MAGI1: variants seen among roughly 807,000 people sequenced by gnomAD.
The protein encoded by MAGI1 is membrane-associated guanylate kinase, WW and PDZ domain-containing protein 1.
In MAGI1, 58 loss-of-function variants were observed where a neutral mutation model predicts 139.9. That is an observed-to-expected ratio of 0.41 (90% CI 0.34 to 0.52). The LOEUF is 0.52. Among genes scored for constraint, MAGI1 ranks in the 20% least tolerant of loss-of-function variants. The probability of loss-of-function intolerance (pLI) is 0.12; values close to 1 mark genes in which losing one functional copy is unlikely to be tolerated. For missense variants in MAGI1, 1,874 were observed against 1,901.6 expected (o/e 0.99, Z 0.27); for synonymous variants, 812 against 737.9 (o/e 1.10, Z -1.63).
chr3:65,493,406 T>C (rs950424766), intron 3 of MAGI1, 106 bp downstream of exon 3: 1 of 1,346,488 alleles, frequency 7.4e-7, no homozygotes, highest in Non-Finnish European at 1.0e-6. Flanking sequence ...TCTCCTGTTA[T>C]TTGTTTAGAC....
At chr3:65,896,086 G>C (rs1209658918) in intron 1 of MAGI1, among the ~76,000 whole-genome samples, 2 of 152,046 alleles carry the variant, frequency 1.3e-5, no homozygotes, top group Admixed American at 6.5e-5. Context: ...GGCTGACATG[G>C]GGAAGCCCCC....
chr3:65,493,663 C>G (rs886147276), intron 2 of MAGI1, 32 bp from the exon 3 acceptor site: 2 of 1,612,322 alleles, frequency 1.2e-6, no homozygotes, highest in African/African-American at 2.7e-5. Flanking sequence ...CACAACAAAC[C>G]ATCAATCAAC....
chr3:65,517,660 C>T (rs562543207), intron 2 of MAGI1, among the ~76,000 whole-genome samples: 9 of 152,276 alleles, frequency 5.9e-5, no homozygotes, highest in African/African-American at 1.7e-4. Context: ...CTCCAACTCC[C>T]GAGTCAGTCT....
At chr3:65,390,043 G>C (rs957424419) in intron 14 of MAGI1, among the ~76,000 whole-genome samples, 1 of 152,154 alleles carries the variant, frequency 6.6e-6, no homozygotes, top group African/African-American at 2.4e-5. Context: ...TCACAGAGGA[G>C]TCGACTTTCA....
intron 1 of MAGI1, among the ~76,000 whole-genome samples, chr3:65,931,568 G>C (rs2062809397): frequency 6.6e-6 from 1 of 152,206 alleles, no homozygotes; most frequent in Non-Finnish European, 1.5e-5. Context: ...GGGAGGCTGA[G>C]GTGGGAGGAT....
chr3:65,738,430 GCCTCC>G (rs2034970712), intron 1 of MAGI1, among the ~76,000 whole-genome samples: 1 of 152,080 alleles, frequency 6.6e-6, no homozygotes, highest in Admixed American at 6.6e-5. Flanking sequence ...TCCAACCTTA[GCCTCC>G]CCAAGCACTG....
intron 1 of MAGI1, among the ~76,000 whole-genome samples, chr3:65,896,863 C>T (rs1008984220): frequency 6.6e-6 from 1 of 152,112 alleles, no homozygotes; most frequent in Non-Finnish European, 1.5e-5. Flanking sequence ...AAAATGTATA[C>T]TGTTCAATAT....
chr3:65,883,084 C>T (rs1281004822), intron 1 of MAGI1, among the ~76,000 whole-genome samples: 1 of 152,190 alleles, frequency 6.6e-6, no homozygotes, highest in Admixed American at 6.5e-5. Flanking sequence ...TTTATCTCCC[C>T]AGTTTCTTTT....
intron 5 of MAGI1, among the ~76,000 whole-genome samples, chr3:65,453,715 T>A (rs1381770935): frequency 2.0e-5 from 3 of 152,244 alleles, no homozygotes; most frequent in Non-Finnish European, 4.4e-5. Context: ...AGTATATCTA[T>A]GACTTGAGTC....
At chr3:65,817,668 G>A (rs1005498244) in intron 1 of MAGI1, among the ~76,000 whole-genome samples, 1 of 152,206 alleles carries the variant, frequency 6.6e-6, no homozygotes, top group South Asian at 2.1e-4. Context: ...CACTGAAAAT[G>A]TGTAAAATGT....
chr3:65,661,540 G>A (rs1269836674), intron 1 of MAGI1, among the ~76,000 whole-genome samples: 3 of 152,018 alleles, frequency 2.0e-5, no homozygotes, highest in African/African-American at 7.3e-5. Context: ...TTGGAATCCT[G>A]GCTTTGCTTC....
chr3:65,364,300 A>ATC (rs552119273), intron 20 of MAGI1, among the ~76,000 whole-genome samples: 61 of 151,626 alleles, frequency 4.0e-4, no homozygotes, highest in African/African-American at 1.5e-3. Context: ...TGCTCTATGG[A>ATC]TCTCACCTTA....
At chr3:65,679,252 G>C (rs2087406960) in intron 1 of MAGI1, among the ~76,000 whole-genome samples, 1 of 152,194 alleles carries the variant, frequency 6.6e-6, no homozygotes, top group African/African-American at 2.4e-5. Flanking sequence ...CATACAGTGA[G>C]ACAGGTCTTA....
At chr3:65,691,934 A>G (rs1344441811) in intron 1 of MAGI1, among the ~76,000 whole-genome samples, 1 of 152,238 alleles carries the variant, frequency 6.6e-6, no homozygotes, top group East Asian at 1.9e-4. Context: ...GCAACCAAAT[A>G]GCCATTATTA....
chr3:66,013,876 T>C (rs1471953145), intron 1 of MAGI1, among the ~76,000 whole-genome samples: 1 of 152,138 alleles, frequency 6.6e-6, no homozygotes, highest in East Asian at 1.9e-4. Flanking sequence ...CGTCAATGAT[T>C]TGACTGAAGA....
At chr3:65,427,835 T>A (rs894099196) in intron 12 of MAGI1, among the ~76,000 whole-genome samples, 1 of 152,182 alleles carries the variant, frequency 6.6e-6, no homozygotes, top group African/African-American at 2.4e-5. Flanking sequence ...GGTTTCATCA[T>A]CACCATCATC....
At chr3:65,391,381 G>C (rs1048390225) in intron 13 of MAGI1, 23 bp from the exon 14 acceptor site, 17 of 1,593,958 alleles carry the variant, frequency 1.1e-5, no homozygotes, top group Non-Finnish European at 1.5e-5. Context: ...AAGTGAGAGG[G>C]GCAAGAAGAA....
intron 2 of MAGI1, among the ~76,000 whole-genome samples, chr3:65,541,867 G>C (rs1222316957): frequency 4.6e-5 from 7 of 152,140 alleles, no homozygotes; most frequent in Admixed American, 2.0e-4. Context: ...GAACAAGACA[G>C]GGATGCTCTC....
chr3:65,382,215 C>A, intron 15 of MAGI1, 146 bp from the exon 16 acceptor site: 1 of 631,808 alleles, frequency 1.6e-6, no homozygotes, highest in Non-Finnish European at 2.7e-6. Context: ...GTGTACAAGA[C>A]ATTGTGCTAA....
Sources: allele counts gnomAD v4.1 joint callset (sites outside exome capture counted in the v4.1 genomes callset), GRCh38; gene constraint gnomAD v4.1.1; transcripts MANE v1.5; gene names NCBI Gene and HGNC (gene_info 2026-07-23, HGNC 2026-07-21).